Variants in PTPRM observed in about 807,000 individuals in gnomAD.
PTPRM encodes protein tyrosine phosphatase receptor type M, also known as receptor-type tyrosine-protein phosphatase mu.
In PTPRM, 47 loss-of-function variants were observed where a neutral mutation model predicts 186.7. The observed-to-expected ratio is 0.25, with a 90% CI of 0.20 to 0.32. PTPRM has a LOEUF of 0.32. Ranked by LOEUF, PTPRM falls within the 10% of genes least tolerant of loss-of-function variation. PTPRM has a pLI of 1.00. For missense variants in PTPRM, 1,494 were observed against 1,865.0 expected (o/e 0.80, Z 3.66); for synonymous variants, 668 against 674.9 (o/e 0.99, Z 0.16).
intron 1 of PTPRM, among the ~76,000 whole-genome samples, chr18:7,735,228 CCAA>C (rs1234038514): frequency 7.9e-5 from 12 of 152,088 alleles, no homozygotes; most frequent in Non-Finnish European, 5.9e-5. Flanking sequence ...ACTGGCCTGG[CCAA>C]CATAGTGACA....
At chr18:7,813,317 G>A (rs2044629336) in intron 2 of PTPRM, among the ~76,000 whole-genome samples, 1 of 152,198 alleles carries the variant, frequency 6.6e-6, no homozygotes, top group South Asian at 2.1e-4. Flanking sequence ...TTTAATAGCT[G>A]AATCATTGCT....
At chr18:7,772,079 T>C (rs1472391558) in intron 1 of PTPRM, among the ~76,000 whole-genome samples, 1 of 152,226 alleles carries the variant, frequency 6.6e-6, no homozygotes. Flanking sequence ...CAGTAGCCCG[T>C]TGAATTCTAA....
intron 3 of PTPRM, among the ~76,000 whole-genome samples, chr18:7,895,227 GA>G: frequency 6.6e-6 from 1 of 152,252 alleles, no homozygotes; most frequent in Non-Finnish European, 1.5e-5. Context: ...GGTTGGAGAT[GA>G]AAGGAAAAGC....
intron 1 of PTPRM, among the ~76,000 whole-genome samples, chr18:7,671,985 C>T (rs1344706933): frequency 6.6e-6 from 1 of 152,164 alleles, no homozygotes; most frequent in Non-Finnish European, 1.5e-5. Flanking sequence ...AAGAATCTCC[C>T]TCCTCAAAGC....
intron 31 of PTPRM, among the ~76,000 whole-genome samples, chr18:8,392,352 C>T (rs866115574): frequency 3.9e-5 from 6 of 152,058 alleles, no homozygotes; most frequent in African/African-American, 7.2e-5. Context: ...TGGCCGGGCG[C>T]GGTGGCTCAC....
chr18:7,799,934 T>A (rs376343232), intron 2 of PTPRM, among the ~76,000 whole-genome samples: 2 of 152,336 alleles, frequency 1.3e-5, no homozygotes, highest in African/African-American at 4.8e-5. Flanking sequence ...CTAAGATCCC[T>A]TTATGCTGTC....
chr18:8,164,938 G>A (rs908238967), intron 14 of PTPRM, among the ~76,000 whole-genome samples: 4 of 152,130 alleles, frequency 2.6e-5, no homozygotes, highest in African/African-American at 9.7e-5. Context: ...GCCAAGGTGG[G>A]CGGATCACTA....
intron 7 of PTPRM, among the ~76,000 whole-genome samples, chr18:8,005,398 G>C (rs958324440): frequency 6.6e-6 from 1 of 152,144 alleles, no homozygotes; most frequent in African/African-American, 2.4e-5. Flanking sequence ...TTATTTTCTA[G>C]TTCTAGCTTT....
At chr18:8,282,132 A>ACCAAAGAGAATGTACAGATG (rs1365861566) in intron 19 of PTPRM, among the ~76,000 whole-genome samples, 1 of 152,216 alleles carries the variant, frequency 6.6e-6, no homozygotes, top group Non-Finnish European at 1.5e-5. Context: ...AAGACACTTC[A>ACCAAAGAGAATGTACAGATG]CCAAAGAGAA....
chr18:7,608,738 C>T (rs1336183666), intron 1 of PTPRM, among the ~76,000 whole-genome samples: 1 of 152,210 alleles, frequency 6.6e-6, no homozygotes, highest in African/African-American at 2.4e-5. Flanking sequence ...TGACCGGTGA[C>T]AACCACATCC....
At chr18:8,256,428 T>C (rs1489653933) in intron 19 of PTPRM, among the ~76,000 whole-genome samples, 1 of 152,228 alleles carries the variant, frequency 6.6e-6, no homozygotes. Flanking sequence ...ATCATTTTAA[T>C]GTAGGTGCTA....
intron 1 of PTPRM, among the ~76,000 whole-genome samples, chr18:7,725,824 G>T (rs980918453): frequency 6.6e-6 from 1 of 152,074 alleles, no homozygotes; most frequent in African/African-American, 2.4e-5. Flanking sequence ...CAGTTCGTTC[G>T]TGTGACCTCA....
At chr18:7,919,032 G>C (rs2050714887) in intron 4 of PTPRM, among the ~76,000 whole-genome samples, 1 of 152,110 alleles carries the variant, frequency 6.6e-6, no homozygotes, top group Non-Finnish European at 1.5e-5. Flanking sequence ...TTTCCCAGCA[G>C]CAGTTATTGA....
intron 29 of PTPRM, among the ~76,000 whole-genome samples, chr18:8,384,006 G>C (rs1378814795): frequency 6.6e-6 from 1 of 152,166 alleles, no homozygotes; most frequent in African/African-American, 2.4e-5. Flanking sequence ...ATTACTCATG[G>C]CTTAAAAGGT....
intron 2 of PTPRM, among the ~76,000 whole-genome samples, chr18:7,876,051 T>C (rs564487036): frequency 1.5e-4 from 23 of 152,058 alleles, no homozygotes; most frequent in Admixed American, 7.9e-4. Context: ...AGTATTACAA[T>C]CTTATGGGAC....
chr18:7,893,875 T>C (rs2146413264), intron 3 of PTPRM, among the ~76,000 whole-genome samples: 1 of 152,276 alleles, frequency 6.6e-6, no homozygotes, highest in African/African-American at 2.4e-5. Flanking sequence ...GAATGAGGTT[T>C]CCCAGTTGGG....
chr18:8,328,367 G>A (rs546724449), intron 22 of PTPRM, among the ~76,000 whole-genome samples: 185 of 152,280 alleles, frequency 1.2e-3, no homozygotes, highest in Middle Eastern at 0.01. Flanking sequence ...TTATTTCTCA[G>A]TAGAATTGAA....
chr18:7,650,172 G>A (rs114630652), intron 1 of PTPRM, among the ~76,000 whole-genome samples: 1 of 152,102 alleles, frequency 6.6e-6, no homozygotes, highest in Non-Finnish European at 1.5e-5. Flanking sequence ...GTTCTGCAGG[G>A]TGTACTACAG....
intron 7 of PTPRM, among the ~76,000 whole-genome samples, chr18:7,980,120 G>A (rs2082468831): frequency 6.6e-6 from 1 of 152,096 alleles, no homozygotes; most frequent in African/African-American, 2.4e-5. Flanking sequence ...TTTTCTACCA[G>A]TGTCTCTTAC....
Sources: allele counts gnomAD v4.1 joint callset (sites outside exome capture counted in the v4.1 genomes callset), GRCh38; gene constraint gnomAD v4.1.1; transcripts MANE v1.5; gene names NCBI Gene and HGNC (gene_info 2026-07-23, HGNC 2026-07-21).